The following MCPH1 variants were observed in gnomAD, a reference collection of about 807,000 sequenced individuals.
The protein encoded by MCPH1 is microcephalin 1, also known as microcephalin.
In MCPH1, 104 loss-of-function variants were observed where a neutral mutation model predicts 84.5. The ratio of observed to expected loss-of-function variants is 1.23; its 90% CI spans 1.05 to 1.45. MCPH1 has a LOEUF of 1.45. MCPH1 is among the 40% of genes most tolerant of loss of function. The pLI, the probability that MCPH1 is intolerant of heterozygous loss-of-function variation, is 0.00. For missense variants in MCPH1, 1,498 were observed against 1,005.7 expected (o/e 1.49, Z -6.62); for synonymous variants, 514 against 366.8 (o/e 1.40, Z -4.58).
chr8:6,516,213 C>T (rs146966710), intron 12 of MCPH1, among the ~76,000 whole-genome samples: 20 of 152,292 alleles, frequency 1.3e-4, no homozygotes, highest in South Asian at 2.1e-4. Flanking sequence ...CCCTTGTTAC[C>T]GCTCTGTATT....
chr8:6,498,390 G>C (rs962366659), intron 11 of MCPH1, among the ~76,000 whole-genome samples: 2 of 152,164 alleles, frequency 1.3e-5, no homozygotes, highest in African/African-American at 2.4e-5. Flanking sequence ...TTTCTGATTT[G>C]ATTGTTTTAA....
chr8:6,569,799 A>T (rs961510018), intron 12 of MCPH1, among the ~76,000 whole-genome samples: 1 of 152,182 alleles, frequency 6.6e-6, no homozygotes, highest in African/African-American at 2.4e-5. Flanking sequence ...ACTGGCCGTC[A>T]CCTCTGTGCA....
At chr8:6,499,690 A>T (rs906353246) in intron 11 of MCPH1, 162 bp from the exon 12 acceptor site, 11 of 634,690 alleles carry the variant, frequency 1.7e-5, no homozygotes, top group Non-Finnish European at 2.8e-5. Context: ...CATAACATTT[A>T]TGCAACATGA....
intron 12 of MCPH1, among the ~76,000 whole-genome samples, chr8:6,584,304 G>A (rs1021796781): frequency 1.3e-5 from 2 of 152,168 alleles, no homozygotes; most frequent in Admixed American, 1.3e-4. Flanking sequence ...TTCATGAAAT[G>A]TTTACATTCA....
At chr8:6,434,587 T>G (rs1450987169) in intron 4 of MCPH1, among the ~76,000 whole-genome samples, 1 of 152,230 alleles carries the variant, frequency 6.6e-6, no homozygotes, top group Non-Finnish European at 1.5e-5. Context: ...AGCTCCATGA[T>G]GACAAGGATC....
intron 8 of MCPH1, among the ~76,000 whole-genome samples, chr8:6,451,344 A>T (rs929855700): frequency 6.6e-6 from 1 of 152,192 alleles, no homozygotes; most frequent in Non-Finnish European, 1.5e-5. Context: ...ACTATGTCCA[A>T]TGTATAAACA....
intron 9 of MCPH1, among the ~76,000 whole-genome samples, chr8:6,457,962 G>T (rs1366380864): frequency 6.6e-6 from 1 of 152,148 alleles, no homozygotes; most frequent in East Asian, 1.9e-4. Context: ...AGCCAGACAT[G>T]CTGGTGTCAT....
chr8:6,438,992 C>T lies in MCPH1; in HGVS notation c.476C>T (p.Ser159Leu). ...ATTCTCTTATTTGAATCTAATGGTT[C>T]ATTAATATATACTCCCACAATTGAA... ...VPILLFESNG[S>L]LIYTPTIEIN... Residue 159 changes from serine to leucine, a missense_variant, in exon 6 of 14, where the codon TCA becomes TTA. Coordinates refer to ENST00000344683, the MANE Select transcript of MCPH1 (RefSeq NM_024596.5). The T allele has an allele frequency of 1.9e-6, 3 of 1,610,054 alleles. No homozygotes were observed. Among genetic ancestry groups the T allele is most frequent in the Non-Finnish European group, 2.5e-6 (3 of 1,176,690 alleles).
intron 12 of MCPH1, among the ~76,000 whole-genome samples, chr8:6,599,130 C>T (rs1829165001): frequency 6.6e-6 from 1 of 152,168 alleles, no homozygotes; most frequent in South Asian, 2.1e-4. Context: ...CAGGCTTCCA[C>T]GGTCATGAGT....
rs546547584 is a variant in MCPH1 at position 6,406,937 on chromosome 8, C to T, written c.22+248C>T. On this transcript the variant is annotated intron_variant, in intron 1 of 13. Transcript: ENST00000344683. The stretch of plus-strand genomic sequence containing the variant: ...GGCTGCCTGCTTCGTCTCCCGTGCT[C>T]CCTGTCCCCCCAAACCCCCGACTGC... 62 of 540,874 alleles carry T rather than the reference C, an allele frequency of 1.1e-4. 1 individual carries two copies. The African/African-American group carries it at 1.2e-3, about 10-fold the overall frequency. The allele number at this position is 540,874 out of a possible 1,614,324, so 33.5% of individuals were successfully genotyped here.
chr8:6,638,667 C>T (rs911428348), intron 13 of MCPH1, among the ~76,000 whole-genome samples: 5 of 152,014 alleles, frequency 3.3e-5, no homozygotes, highest in South Asian at 2.1e-4. Flanking sequence ...CTGTCTCCAC[C>T]GGCCAGGACT....
intron 12 of MCPH1, among the ~76,000 whole-genome samples, chr8:6,606,186 T>C (rs1203205758): frequency 6.6e-6 from 1 of 152,210 alleles, no homozygotes; most frequent in East Asian, 1.9e-4. Context: ...GTTCATACTT[T>C]GAAGAATATG....
chr8:6,519,245 C>T (rs1477628408), intron 12 of MCPH1, among the ~76,000 whole-genome samples: 1 of 152,136 alleles, frequency 6.6e-6, no homozygotes, highest in Non-Finnish European at 1.5e-5. Flanking sequence ...TCACCAAGTC[C>T]ACAGGTTGAA....
chr8:6,430,395 G>C (rs148232133), intron 3 of MCPH1, among the ~76,000 whole-genome samples: 1 of 152,186 alleles, frequency 6.6e-6, no homozygotes, highest in Non-Finnish European at 1.5e-5. Flanking sequence ...AGATGAGAAA[G>C]GAAAATCACA....
intron 12 of MCPH1, among the ~76,000 whole-genome samples, chr8:6,505,724 A>G (rs1174538484): frequency 7.5e-6 from 1 of 134,152 alleles, no homozygotes; most frequent in Non-Finnish European, 1.5e-5. Context: ...TATATTCTAT[A>G]TATATTCTAT....
chr8:6,546,503 C>G (rs1415138274), intron 12 of MCPH1, among the ~76,000 whole-genome samples: 1 of 151,786 alleles, frequency 6.6e-6, no homozygotes, highest in South Asian at 2.1e-4. Flanking sequence ...TCCATTCATA[C>G]GTCACTGGGG....
chr8:6,541,437 G>A (rs535126966), intron 12 of MCPH1, among the ~76,000 whole-genome samples: 2 of 152,270 alleles, frequency 1.3e-5, no homozygotes, highest in East Asian at 3.9e-4. Flanking sequence ...AGTGCTCTGA[G>A]AAAGACAATA....
At chr8:6,570,814 T>G (rs950628461) in intron 12 of MCPH1, among the ~76,000 whole-genome samples, 164 of 150,844 alleles carry the variant, frequency 1.1e-3, no homozygotes, top group Non-Finnish European at 1.8e-3. Flanking sequence ...TTTTTTTTTT[T>G]TTTTTTTTTT....
chr8:6,456,340 G>A (rs975468737), intron 9 of MCPH1, among the ~76,000 whole-genome samples: 5 of 152,160 alleles, frequency 3.3e-5, no homozygotes, highest in South Asian at 2.1e-4. Context: ...TGCTCAGCGC[G>A]CTGCCTCCCA....
Sources: allele counts gnomAD v4.1 joint callset (sites outside exome capture counted in the v4.1 genomes callset), GRCh38; gene constraint gnomAD v4.1.1; transcripts MANE v1.5; gene names NCBI Gene and HGNC (gene_info 2026-07-23, HGNC 2026-07-21).